GNA12: variants seen among roughly 807,000 people sequenced by gnomAD.
GNA12 encodes guanine nucleotide-binding protein subunit alpha-12.
A neutral mutation model predicts 26.0 loss-of-function variants in GNA12; 9 were observed. The ratio of observed to expected loss-of-function variants is 0.35; its 90% confidence interval spans 0.21 to 0.60. The LOEUF is 0.60. Among genes scored for constraint, GNA12 ranks in the 20% least tolerant of loss-of-function variants. The probability of loss-of-function intolerance (pLI) is 0.78; values close to 1 mark genes in which losing one functional copy is unlikely to be tolerated. For missense variants in GNA12, 405 were observed against 525.8 expected, an observed-to-expected ratio of 0.77 and a Z score of 2.25; for synonymous variants, 264 against 219.6, an observed-to-expected ratio of 1.20 and a Z score of -1.79.
At chr7:2,789,091 A>T (rs115724680) in intron 2 of GNA12, among the ~76,000 whole-genome samples, 2,790 of 147,246 alleles carry the variant, frequency 0.019, 55 homozygotes, top group Middle Eastern at 0.078. Flanking sequence ...GTGCTCCCGA[A>T]GTACAGGCGT....
At chr7:2,736,532 G>C (rs892947618) in intron 2 of GNA12, among the ~76,000 whole-genome samples, 2 of 152,202 alleles carry the variant, frequency 1.3e-5, no homozygotes, top group Non-Finnish European at 2.9e-5. Context: ...CAGTGAAAGA[G>C]GGGTTGTCTG....
intron 1 of GNA12, among the ~76,000 whole-genome samples, chr7:2,827,048 CT>C (rs1793501203): frequency 6.6e-6 from 1 of 152,160 alleles, no homozygotes; most frequent in African/African-American, 2.4e-5. Flanking sequence ...TGTGGGAAAT[CT>C]GTATTTTCTG....
rs191705071 is a variant in GNA12 at position 2,777,240 on chromosome 7, C to A, written c.525+17688G>T. On this transcript the variant is annotated intron_variant, in intron 2 of 3. Coordinates refer to ENST00000275364, the MANE Select transcript of GNA12 (RefSeq NM_007353.3). The stretch of plus-strand genomic sequence containing the variant: ...TGGGTATAAATGAAGAAAAGGAGGA[C>A]TAGTAGCAGAGGGTAACGGAATGAA... Among the ~76,000 whole-genome samples the A allele has an allele frequency of 1.3e-3, 191 of 152,250 alleles. 1 individual carries two copies. Among genetic ancestry groups the A allele is most frequent in the African/African-American group, 3.9e-3 (160 of 41,522 alleles).
chr7:2,816,924 T>C (rs11977638), intron 1 of GNA12, among the ~76,000 whole-genome samples: 4 of 152,184 alleles, frequency 2.6e-5, no homozygotes, highest in African/African-American at 9.7e-5. Context: ...ATCAAGTCAG[T>C]CTGGGTCTCT....
intron 2 of GNA12, among the ~76,000 whole-genome samples, chr7:2,790,730 A>G (rs1029974360): frequency 6.6e-6 from 1 of 152,260 alleles, no homozygotes; most frequent in African/African-American, 2.4e-5. Flanking sequence ...GCACTTTGGA[A>G]GCCCAAGGCA....
chr7:2,757,679 T>C (rs937117533), intron 2 of GNA12, among the ~76,000 whole-genome samples: 2 of 152,222 alleles, frequency 1.3e-5, no homozygotes, highest in African/African-American at 4.8e-5. Context: ...TAATTGGTGG[T>C]AATCTTTTCA....
At chr7:2,762,630 G>T in intron 2 of GNA12, 7 of 1,577,956 alleles carry the variant, frequency 4.4e-6, no homozygotes, top group Non-Finnish European at 6.0e-6. Context: ...AGACCCCAAT[G>T]CCATGAAGCA....
At chr7:2,769,638 C>A (rs1791898500) in intron 2 of GNA12, among the ~76,000 whole-genome samples, 2 of 152,102 alleles carry the variant, frequency 1.3e-5, no homozygotes, top group African/African-American at 4.8e-5. Context: ...GAGGCTGAGG[C>A]AGGACAATGG....
At chr7:2,821,711 C>G (rs753315244) in intron 1 of GNA12, among the ~76,000 whole-genome samples, 3 of 152,210 alleles carry the variant, frequency 2.0e-5, no homozygotes, top group Non-Finnish European at 2.9e-5. Flanking sequence ...TAAGCTCTTT[C>G]CCTTCCTGTG....
intron 1 of GNA12, among the ~76,000 whole-genome samples, chr7:2,809,515 GA>G (rs58695207): frequency 1.4e-4 from 21 of 151,014 alleles, no homozygotes; most frequent in African/African-American, 4.4e-4. Context: ...TACTTTATTT[GA>G]AAAAAAAATT....
chr7:2,794,898 G>T (rs1436761637), intron 2 of GNA12, 30 bp downstream of exon 2: 2 of 1,477,390 alleles, frequency 1.4e-6, no homozygotes, highest in Non-Finnish European at 1.9e-6. Flanking sequence ...CACACTATCA[G>T]GTGCCCAGCA....
intron 2 of GNA12, among the ~76,000 whole-genome samples, chr7:2,757,172 G>T (rs1045448766): frequency 8.7e-6 from 1 of 114,928 alleles, no homozygotes; most frequent in South Asian, 2.8e-4. Context: ...GTCTTGCTCT[G>T]TCACCCAGGC....
intron 1 of GNA12, among the ~76,000 whole-genome samples, chr7:2,823,566 G>A (rs372358985): frequency 6.6e-6 from 1 of 152,152 alleles, no homozygotes; most frequent in South Asian, 2.1e-4. Context: ...GAGGCCAGTC[G>A]TTGCTTAAAA....
chr7:2,837,039 A>G (rs1778858491), intron 1 of GNA12, among the ~76,000 whole-genome samples: 1 of 152,244 alleles, frequency 6.6e-6, no homozygotes, highest in South Asian at 2.1e-4. Flanking sequence ...TCAAGGAACC[A>G]GGTGACATGC....
At chr7:2,743,089 G>T (rs981342149) in intron 2 of GNA12, among the ~76,000 whole-genome samples, 2 of 152,206 alleles carry the variant, frequency 1.3e-5, no homozygotes, top group Non-Finnish European at 2.9e-5. Flanking sequence ...AAGGGGTAAG[G>T]TGGGAACACT....
intron 2 of GNA12, among the ~76,000 whole-genome samples, chr7:2,743,704 C>T (rs798510): frequency 0.23 from 35,380 of 151,940 alleles, 4,812 homozygotes; most frequent in Non-Finnish European, 0.29. Context: ...GCACTGTGCG[C>T]GAGCCGAAGC....
chr7:2,798,051 A>C (rs1336926097), intron 1 of GNA12, among the ~76,000 whole-genome samples: 1 of 152,210 alleles, frequency 6.6e-6, no homozygotes, highest in African/African-American at 2.4e-5. Context: ...TTAATGTGAA[A>C]GACTGAATGC....
chr7:2,733,535 T>C, intron 2 of GNA12, 34 bp from the exon 3 acceptor site: 1 of 1,538,724 alleles, frequency 6.5e-7, no homozygotes, highest in Non-Finnish European at 9.0e-7. Flanking sequence ...CAGCTCAGTC[T>C]GGACTGAGGA....
In GNA12 at chr7:2,745,045, G is replaced by A. The variant is rs1028357599; in HGVS notation, c.526-11544C>T. ...GAAAAGACCAAATCTACATCTGATT[G>A]GTGTACCTGAAAGTGACAGGGAGAA... On this transcript the variant is annotated intron_variant, in intron 2 of 3. Coordinates refer to ENST00000275364, the MANE Select transcript of GNA12 (RefSeq NM_007353.3). Among the ~76,000 whole-genome samples the A allele has an allele frequency of 1.4e-4, 22 of 152,322 alleles. No individual in the cohort carries two copies. The East Asian group carries it at 4.1e-3, about 28-fold the overall frequency.
Sources: gnomAD v4.1 joint callset for allele counts (sites outside exome capture counted in the v4.1 genomes callset) on GRCh38, gnomAD v4.1.1 for gene constraint, MANE v1.5 for transcripts, NCBI Gene and HGNC (gene_info 2026-07-23, HGNC 2026-07-21) for gene names.